The following KNOP1 variants were observed in gnomAD, a reference collection of about 807,000 sequenced individuals.
KNOP1 encodes lysine-rich nucleolar protein 1.
Under a neutral mutation model 30.6 loss-of-function variants are expected in KNOP1, and 20 were observed. The observed-to-expected ratio is 0.65, with a 90% CI of 0.46 to 0.95. KNOP1 has a LOEUF of 0.95. Among genes scored for constraint, KNOP1 ranks in the 40% least tolerant of loss-of-function variants. The pLI, the probability that KNOP1 is intolerant of heterozygous loss-of-function variation, is 0.00. For missense variants in KNOP1, 540 were observed against 562.0 expected (o/e 0.96, Z 0.40); for synonymous variants, 204 against 210.0 (o/e 0.97, Z 0.25).
chr16:19,709,753 G>C (rs976035820), intron 4 of KNOP1, among the ~76,000 whole-genome samples: 3 of 152,150 alleles, frequency 2.0e-5, no homozygotes, highest in Admixed American at 2.0e-4. Context: ...CTGGACAAGC[G>C]CTGCCACCTC....
rs952484563 is a variant in KNOP1 at position 19,711,365 on chromosome 16, G to A, written c.987+7C>T. 5 of 1,613,768 alleles carry A rather than the reference G, an allele frequency of 3.1e-6. No individual in the cohort carries two copies. The Admixed American group carries it at 5.0e-5, about 16-fold the overall frequency. ...CGGGAGGGGCCTGAGGAGGGTCTGG[G>A]CTGTACCTGGTCTATGTGCGCCTCA... On this transcript the variant is annotated splice_region_variant and intron_variant, in intron 3 of 4. Coordinates refer to ENST00000219837, the MANE Select transcript of KNOP1 (RefSeq NM_001012991.3).
intron 1 of KNOP1, among the ~76,000 whole-genome samples, chr16:19,715,820 C>T (rs1403627016): frequency 2.0e-5 from 3 of 152,140 alleles, no homozygotes; most frequent in Non-Finnish European, 4.4e-5. Flanking sequence ...GGACAGATAT[C>T]GTGGAAGCAC....
chr16:19,704,874 C>A lies in KNOP1; in HGVS notation c.*2036G>T, dbSNP rs761150900. The A allele has an allele frequency of 3.9e-6, 1 of 254,828 alleles. No homozygotes were observed. The allele number at this position is 254,828 out of a possible 1,614,324, so 15.8% of individuals were successfully genotyped here. A position where few individuals can be genotyped will look rare whatever the true frequency, so the allele number is the denominator to read the frequency against. ...CAACTATTGACCTGGCCAATGCTTG[C>A]GGATCAGGGTTCAGAGCCAGGGAAA... On this transcript the variant is annotated 3_prime_UTR_variant, in exon 5 of 5. Transcript: ENST00000219837.
chr16:19,714,415 T>C lies in KNOP1; in HGVS notation c.621A>G (p.Glu207=). 1 of 1,613,958 alleles carries C rather than the reference T, an allele frequency of 6.2e-7. No individual in the cohort carries two copies. Among genetic ancestry groups the C allele is most frequent in the Non-Finnish European group, 8.5e-7 (1 of 1,179,994 alleles). The change falls in exon 2 of 5, where the codon GAA becomes GAG. Residue 207 remains glutamate, a synonymous_variant. Transcript: ENST00000219837. ...GQKRKRKSPR[E]HNGKVKKKKK... ...TTTTCTTCTTCACCTTCCCATTGTG[T>C]TCTCTGGGGCTCTTCCGCTTCCGTT... is the stretch of plus-strand genomic sequence containing the variant.
chr16:19,706,889 G>A lies in KNOP1; in HGVS notation c.*21C>T, dbSNP rs772982034. The A allele has an allele frequency of 2.5e-6, 4 of 1,606,074 alleles. No individual in the cohort carries two copies. Among genetic ancestry groups the A allele is most frequent in the Non-Finnish European group, 3.4e-6 (4 of 1,177,800 alleles). On this transcript the variant is annotated 3_prime_UTR_variant, in exon 5 of 5. Coordinates refer to ENST00000219837, the MANE Select transcript of KNOP1 (RefSeq NM_001012991.3). ...TAATCAAAGCAATTGTGGCAGTTTT[G>A]GGGGGACAAAACTCTAGAGTTTAAT...
At chr16:19,713,414 CT>C (rs1223015443) in intron 2 of KNOP1, among the ~76,000 whole-genome samples, 1 of 152,140 alleles carries the variant, frequency 6.6e-6, no homozygotes, top group Admixed American at 6.6e-5. Flanking sequence ...TAGATTAGAG[CT>C]TCTGGATAGA....
chr16:19,715,824 G>A (rs1161066257), intron 1 of KNOP1, among the ~76,000 whole-genome samples: 1 of 152,176 alleles, frequency 6.6e-6, no homozygotes, highest in African/African-American at 2.4e-5. Flanking sequence ...AGATATCGTG[G>A]AAGCACCTGT....
At position 19,714,343 on chromosome 16, in the gene KNOP1, G is replaced by A. The variant is rs1976877023; in HGVS notation, c.693C>T (p.Pro231=). 1 of 1,613,914 alleles carries A rather than the reference G, an allele frequency of 6.2e-7. No homozygotes were observed. Residue 231 remains proline, a synonymous_variant, in exon 2 of 5, where the codon CCC becomes CCT. Coordinates refer to ENST00000219837, the MANE Select transcript of KNOP1 (RefSeq NM_001012991.3). The stretch of plus-strand genomic sequence containing the variant: ...TAGGGCTGCTCTCCATGGACCTGGA[G>A]GGCTTGGAGTGGCCTGGGAGGGCAT... ...EGDALPGHSK[P]SRSMESSPRK... is the part of the protein sequence containing the mutation.
intron 4 of KNOP1, 66 bp downstream of exon 4, chr16:19,710,443 A>C: frequency 6.7e-7 from 1 of 1,500,252 alleles, no homozygotes; most frequent in Middle Eastern, 1.8e-4. Flanking sequence ...CTCATGCTGG[A>C]GGCGAGGGGA....
At position 19,718,159 on chromosome 16, in the gene KNOP1, G is replaced by C; in HGVS notation, c.-4C>G. The C allele has an allele frequency of 1.4e-6, 2 of 1,476,214 alleles. No homozygotes were observed. Among genetic ancestry groups the C allele is most frequent in the Non-Finnish European group, 1.8e-6 (2 of 1,118,222 alleles). 91.4% of individuals were successfully genotyped at this position (1,476,214 alleles called of 1,614,324 possible). A position where few individuals can be genotyped will look rare whatever the true frequency, so the allele number is the denominator to read the frequency against. On this transcript the variant is annotated splice_region_variant and 5_prime_UTR_variant, in exon 1 of 5. Transcript: ENST00000219837. ...CCTGCAACGCGCCCTGGCACTCACCGGTGGGCGAAATTTCCCCGCCTCCAC... is the reference window on the plus strand; with the variant it reads ...CCTGCAACGCGCCCTGGCACTCACCCGTGGGCGAAATTTCCCCGCCTCCAC...
At chr16:19,709,444 A>C (rs1205890523) in intron 4 of KNOP1, among the ~76,000 whole-genome samples, 1 of 152,168 alleles carries the variant, frequency 6.6e-6, no homozygotes, top group Admixed American at 6.5e-5. Context: ...CACCATCCTC[A>C]GGCTGCGGCC....
chr16:19,711,167 G>A lies in KNOP1; in HGVS notation c.987+205C>T, dbSNP rs118113759. 4.6e-4 allele frequency among the ~76,000 whole-genome samples: 70 copies of A among 152,342 alleles called. No homozygotes were observed. In the East Asian group the frequency reaches 8.5e-3, roughly 19 times the overall value. ...AGTCGGGCCTCTCGGCCATGGCCAC[G>A]GCAGCCGGAAGGGCCCCCAGCATGA... On this transcript the variant is annotated intron_variant, in intron 3 of 4. Transcript: ENST00000219837.
At position 19,714,419 on chromosome 16, in the gene KNOP1, C is replaced by A. The variant is rs747541601; in HGVS notation, c.617G>T (p.Arg206Ile). The change falls in exon 2 of 5, where the codon AGA (arginine) becomes ATA (isoleucine). Residue 206 changes from arginine to isoleucine, a missense_variant. Transcript: ENST00000219837. ...CTTCTTCACCTTCCCATTGTGTTCT[C>A]TGGGGCTCTTCCGCTTCCGTTTCTG... Reference protein sequence around the residue: ...LGQKRKRKSPREHNGKVKKKK... With the variant: ...LGQKRKRKSPIEHNGKVKKKK... The A allele has an allele frequency of 1.2e-6, 2 of 1,613,758 alleles. No homozygotes were observed. Among genetic ancestry groups the A allele is most frequent in the East Asian group, 4.5e-5 (2 of 44,866 alleles).
Position 19,714,268 on chromosome 16 carries a change from G to A in KNOP1, c.768C>T (p.Ile256=), listed in dbSNP as rs754996408. 2.9e-5 allele frequency: 46 copies of A among 1,614,012 alleles called. No homozygotes were observed. The Admixed American group carries it at 7.7e-4, about 27-fold the overall frequency. ...AGGCCTTAGGGTCATCACTTATGGG[G>A]ATGTATTCCGGAGCCTCAACTTTGA... The part of the protein sequence containing the change: ...KPVKVEAPEY[I]PISDDPKASA... The change falls in exon 2 of 5, where the codon ATC becomes ATT. Residue 256 remains isoleucine (I), a synonymous_variant. Coordinates refer to ENST00000219837, the MANE Select transcript of KNOP1 (RefSeq NM_001012991.3).
Position 19,705,516 on chromosome 16 carries a change from C to T in KNOP1, c.*1394G>A, listed in dbSNP as rs1287391065. On this transcript the variant is annotated 3_prime_UTR_variant, in exon 5 of 5. Coordinates refer to ENST00000219837, the MANE Select transcript of KNOP1 (RefSeq NM_001012991.3). ...GGCAACTTCCCGTGTCATCTCCACA[C>T]GTTCATCTCCTCCTGGCATTCAATA... 1.4e-5 allele frequency: 4 copies of T among 295,096 alleles called. No individual in the cohort carries two copies. The highest frequency in any genetic ancestry group is 2.2e-5 in the African/African-American group (1 of 45,232). The allele number at this position is 295,096 out of a possible 1,614,324, so 18.3% of individuals were successfully genotyped here. A position where few individuals can be genotyped will look rare whatever the true frequency, so the allele number is the denominator to read the frequency against.
chr16:19,711,810 A>G (rs1180904832), intron 2 of KNOP1: 1 of 298,960 alleles, frequency 3.3e-6, no homozygotes, highest in African/African-American at 2.2e-5. Context: ...CGGTGACACC[A>G]AACTACAGGA....
intron 1 of KNOP1, chr16:19,717,921 C>G: frequency 8.7e-7 from 1 of 1,145,242 alleles, no homozygotes; most frequent in Non-Finnish European, 1.1e-6. Flanking sequence ...CTCCCATGGG[C>G]CCAAGCCTCC....
intron 1 of KNOP1, chr16:19,717,437 C>G (rs1315035924): frequency 1.0e-6 from 1 of 985,116 alleles, no homozygotes; most frequent in Non-Finnish European, 1.2e-6. Flanking sequence ...AATAGGGGAG[C>G]AGTCAAGAGA....
At chr16:19,710,384 C>G (rs1243913392) in intron 4 of KNOP1, 125 bp downstream of exon 4, 1 of 920,982 alleles carries the variant, frequency 1.1e-6, no homozygotes, top group Non-Finnish European at 1.8e-6. Context: ...CTGCTGCAGG[C>G]TAGGGCTGCC....
Sources: gnomAD v4.1 joint callset for allele counts (sites outside exome capture counted in the v4.1 genomes callset) on GRCh38, gnomAD v4.1.1 for gene constraint, MANE v1.5 for transcripts, NCBI Gene and HGNC (gene_info 2026-07-23, HGNC 2026-07-21) for gene names.